The following FILIP1L variants were observed in gnomAD, a reference collection of about 807,000 sequenced individuals.
FILIP1L encodes filamin A interacting protein 1 like.
Under a neutral mutation model 96.6 loss-of-function variants are expected in FILIP1L, and 55 were observed. The observed-to-expected ratio is 0.57, with a 90% confidence interval of 0.46 to 0.71. The LOEUF (loss-of-function observed/expected upper bound fraction) is 0.71. Among genes scored for constraint, FILIP1L ranks in the 30% least tolerant of loss-of-function variants. The pLI is 0.00. For synonymous variants in FILIP1L, 467 were observed against 473.9 expected (o/e 0.99, Z 0.19); for missense variants, 1,304 against 1,321.2 (o/e 0.99, Z 0.20).
In FILIP1L at chr3:100,027,191, A is replaced by G. The variant is rs145623641; in HGVS notation, c.-11+86862T>C. Reference sequence around the variant, plus strand: ...TGCTTTTTGTTTCTCCTTATCACATATGGTCTAGTACACTCCATCAATTTT... The same window carrying G: ...TGCTTTTTGTTTCTCCTTATCACATGTGGTCTAGTACACTCCATCAATTTT... On this transcript the variant is annotated intron_variant, in intron 1 of 5. Coordinates refer to ENST00000477258, the MANE Select transcript of FILIP1L (RefSeq NM_001387850.1). Among the ~76,000 whole-genome samples, 685 of 152,108 alleles carry G rather than the reference A, an allele frequency of 4.5e-3. 7 individuals are homozygous for G. The highest frequency in any genetic ancestry group is 0.016 in the African/African-American group (671 of 41,504).
chr3:99,872,172 G>A (rs932721883), intron 4 of FILIP1L, among the ~76,000 whole-genome samples: 1 of 152,034 alleles, frequency 6.6e-6, no homozygotes, highest in Non-Finnish European at 1.5e-5. Flanking sequence ...AAGTCACACT[G>A]TGGACATCAG....
At chr3:100,103,959 G>A (rs866880450) in intron 1 of FILIP1L, among the ~76,000 whole-genome samples, 3 of 152,272 alleles carry the variant, frequency 2.0e-5, no homozygotes, top group African/African-American at 7.2e-5. Context: ...GTTTAATCAG[G>A]CGCATTAACT....
intron 1 of FILIP1L, among the ~76,000 whole-genome samples, chr3:100,096,192 A>G (rs549800555): frequency 2.0e-5 from 3 of 152,202 alleles, no homozygotes; most frequent in Non-Finnish European, 1.5e-5. Flanking sequence ...CACTGTGGAC[A>G]ACAGTTTGGA....
At chr3:100,050,302 G>A (rs1297113376) in intron 1 of FILIP1L, among the ~76,000 whole-genome samples, 1 of 152,118 alleles carries the variant, frequency 6.6e-6, no homozygotes, top group African/African-American at 2.4e-5. Flanking sequence ...TAATGAGTCA[G>A]GAACTTACAC....
chr3:100,041,692 A>G (rs1486962452), intron 1 of FILIP1L, among the ~76,000 whole-genome samples: 1 of 152,218 alleles, frequency 6.6e-6, no homozygotes, highest in Admixed American at 6.5e-5. Context: ...GGGAAGGGGG[A>G]TAAGTGCAGA....
chr3:99,982,345 CTT>C (rs999936582), intron 1 of FILIP1L, among the ~76,000 whole-genome samples: 6 of 144,266 alleles, frequency 4.2e-5, no homozygotes, highest in African/African-American at 2.5e-5. Flanking sequence ...TAATTTTTTA[CTT>C]TTTTTTTTTT....
At chr3:100,037,543 G>C (rs534255288) in intron 1 of FILIP1L, among the ~76,000 whole-genome samples, 2 of 152,276 alleles carry the variant, frequency 1.3e-5, no homozygotes, top group East Asian at 3.9e-4. Context: ...AAGATAAACT[G>C]AGGAATACAA....
chr3:99,943,744 G>T (rs1707922202), intron 1 of FILIP1L, among the ~76,000 whole-genome samples: 2 of 152,126 alleles, frequency 1.3e-5, no homozygotes, highest in South Asian at 4.1e-4. Context: ...TGGAGCTTCA[G>T]TCTATTTTCT....
At chr3:100,058,397 A>T (rs899422076) in intron 1 of FILIP1L, among the ~76,000 whole-genome samples, 1 of 152,224 alleles carries the variant, frequency 6.6e-6, no homozygotes, top group African/African-American at 2.4e-5. Flanking sequence ...GTAAAATGAG[A>T]TCACCTCTGA....
chr3:100,080,459 A>G (rs1243460405), intron 1 of FILIP1L, among the ~76,000 whole-genome samples: 2 of 152,206 alleles, frequency 1.3e-5, no homozygotes, highest in African/African-American at 2.4e-5. Flanking sequence ...GGAGTACCCT[A>G]GACAATTTCA....
intron 5 of FILIP1L, chr3:99,833,371 A>C: frequency 2.3e-6 from 2 of 865,862 alleles, no homozygotes; most frequent in Non-Finnish European, 3.7e-6. Flanking sequence ...AATCTAGAAG[A>C]CTCCCTGGTT....
intron 1 of FILIP1L, among the ~76,000 whole-genome samples, chr3:99,934,609 T>C (rs1707598922): frequency 6.6e-6 from 1 of 152,208 alleles, no homozygotes; most frequent in Non-Finnish European, 1.5e-5. Context: ...AATGTAAGCT[T>C]TTATTTAGCA....
chr3:100,004,850 T>C (rs1299838349), intron 1 of FILIP1L, among the ~76,000 whole-genome samples: 3 of 152,222 alleles, frequency 2.0e-5, no homozygotes, highest in South Asian at 2.1e-4. Flanking sequence ...GTGGGGAAAA[T>C]CTGGCCACTG....
chr3:99,983,466 A>ATATG (rs1559713732), intron 1 of FILIP1L, among the ~76,000 whole-genome samples: 1 of 6,156 alleles, frequency 1.6e-4, no homozygotes, highest in Non-Finnish European at 3.3e-4. Context: ...ATATGTGTGT[A>ATATG]TATATATATA....
chr3:99,840,315 C>T (rs1460377341), intron 5 of FILIP1L, among the ~76,000 whole-genome samples: 2 of 150,536 alleles, frequency 1.3e-5, no homozygotes, highest in Non-Finnish European at 3.0e-5. Flanking sequence ...CCTCTGCCTC[C>T]CGGGTTGAAG....
At chr3:100,029,890 G>A (rs2064994807) in intron 1 of FILIP1L, among the ~76,000 whole-genome samples, 2 of 152,134 alleles carry the variant, frequency 1.3e-5, no homozygotes, top group Admixed American at 1.3e-4. Flanking sequence ...TATGTCATCT[G>A]GAAAGCTGAG....
chr3:99,930,305 A>G (rs1286944754), intron 2 of FILIP1L, among the ~76,000 whole-genome samples: 1 of 152,182 alleles, frequency 6.6e-6, no homozygotes, highest in Non-Finnish European at 1.5e-5. Context: ...ATATCCATCA[A>G]TGTACTAGCA....
At chr3:99,922,739 A>G (rs1184890614) in intron 4 of FILIP1L, among the ~76,000 whole-genome samples, 1 of 152,206 alleles carries the variant, frequency 6.6e-6, no homozygotes, top group Non-Finnish European at 1.5e-5. Flanking sequence ...GTGGTTCAGA[A>G]TAGAGGGTCA....
At chr3:99,855,975 T>C (rs1271572751) in intron 4 of FILIP1L, among the ~76,000 whole-genome samples, 4 of 152,234 alleles carry the variant, frequency 2.6e-5, no homozygotes, top group Non-Finnish European at 5.9e-5. Flanking sequence ...CATATCCCTC[T>C]GGTACCCATC....
Sources: gnomAD v4.1 joint callset for allele counts (sites outside exome capture counted in the v4.1 genomes callset) on GRCh38, gnomAD v4.1.1 for gene constraint, MANE v1.5 for transcripts, NCBI Gene and HGNC (gene_info 2026-07-23, HGNC 2026-07-21) for gene names.